Variants in CDKN2B-AS1 observed in about 807,000 individuals in gnomAD.
CDKN2B-AS1 encodes CDKN2B antisense RNA 1 (non-protein coding).
chr9:22,091,744 G>C (rs1251444045), intron 4 of CDKN2B-AS1, among the ~76,000 whole-genome samples: 1 of 152,080 alleles, frequency 6.6e-6, no homozygotes. Flanking sequence ...GGGTTTTCTA[G>C]ATATACAATC....
intron 1 of CDKN2B-AS1, among the ~76,000 whole-genome samples, chr9:22,020,065 T>G (rs1821952998): frequency 6.6e-6 from 1 of 152,192 alleles, no homozygotes; most frequent in Admixed American, 6.5e-5. Flanking sequence ...GTTGTTCCCC[T>G]CTGTGTGTTC....
At chr9:22,034,798 T>C (rs1822618710) in intron 1 of CDKN2B-AS1, among the ~76,000 whole-genome samples, 1 of 152,098 alleles carries the variant, frequency 6.6e-6, no homozygotes, top group Non-Finnish European at 1.5e-5. Flanking sequence ...AGACAATACA[T>C]GAATGAAGGA....
chr9:22,029,640 AAAG>A (rs1587426688), intron 1 of CDKN2B-AS1: 4 of 559,612 alleles, frequency 7.1e-6, no homozygotes, highest in Non-Finnish European at 9.8e-6. Context: ...CTGTGTGATA[AAAG>A]AAGAGCCTTG....
intron 1 of CDKN2B-AS1, among the ~76,000 whole-genome samples, chr9:22,027,557 A>G (rs904387846): frequency 3.3e-5 from 5 of 152,226 alleles, no homozygotes; most frequent in Admixed American, 2.0e-4. Context: ...ACATCCAAAA[A>G]TAATGACCTT....
intron 4 of CDKN2B-AS1, among the ~76,000 whole-genome samples, chr9:22,072,051 G>A (rs1327261717): frequency 1.3e-5 from 2 of 152,188 alleles, no homozygotes; most frequent in East Asian, 3.9e-4. Flanking sequence ...CCTGAGCAGT[G>A]CAGGTGGATT....
At chr9:21,995,109 C>A (rs988850485), upstream of CDKN2B-AS1, 1 of 152,152 alleles carries the variant, frequency 6.6e-6, no homozygotes, top group South Asian at 2.1e-4. The surrounding 1 kb of genome is among the most constrained non-coding windows in gnomAD (Gnocchi z 5.7). Context: ...CATCTGGACA[C>A]GGCGCGGCGC....
chr9:22,045,776 A>G (rs983323699), intron 1 of CDKN2B-AS1, among the ~76,000 whole-genome samples: 16 of 152,160 alleles, frequency 1.1e-4, no homozygotes, highest in African/African-American at 3.9e-4. Context: ...GCAGTATGCT[A>G]TAAAAGTGAA....
chr9:22,013,723 A>G (rs1266577147), intron 1 of CDKN2B-AS1, among the ~76,000 whole-genome samples: 1 of 152,108 alleles, frequency 6.6e-6, no homozygotes, highest in Non-Finnish European at 1.5e-5. Flanking sequence ...AAAGTGCTGG[A>G]TTGCAAGTGT....
intron 4 of CDKN2B-AS1, among the ~76,000 whole-genome samples, chr9:22,097,569 C>A (rs1825326535): frequency 6.6e-6 from 1 of 152,172 alleles, no homozygotes; most frequent in South Asian, 2.1e-4. Flanking sequence ...ATACCACTAG[C>A]TTTTGCTTTC....
chr9:22,021,051 A>T (rs897427099), intron 1 of CDKN2B-AS1, among the ~76,000 whole-genome samples: 1 of 152,128 alleles, frequency 6.6e-6, no homozygotes, highest in Non-Finnish European at 1.5e-5. Flanking sequence ...TAAGTTTTGT[A>T]TATGGTGTAA....
At chr9:22,050,885 G>A (rs1417293166) in intron 3 of CDKN2B-AS1, among the ~76,000 whole-genome samples, 1 of 152,146 alleles carries the variant, frequency 6.6e-6, no homozygotes, top group African/African-American at 2.4e-5. Flanking sequence ...AAGTGCTCAA[G>A]GAAGAGTCTG....
chr9:22,117,006 G>A (rs977224506), intron 4 of CDKN2B-AS1, among the ~76,000 whole-genome samples: 1 of 152,196 alleles, frequency 6.6e-6, no homozygotes, highest in Non-Finnish European at 1.5e-5. Context: ...AGCTGGGAGT[G>A]TTGAAAGAAT....
chr9:22,092,973 T>A (rs1825145920), intron 4 of CDKN2B-AS1, among the ~76,000 whole-genome samples: 1 of 152,188 alleles, frequency 6.6e-6, no homozygotes, highest in Non-Finnish European at 1.5e-5. Context: ...TGCTATAAAT[T>A]TCCCTCTACA....
intron 4 of CDKN2B-AS1, chr9:22,092,186 T>C (rs968664601): frequency 6.6e-6 from 1 of 152,198 alleles, no homozygotes; most frequent in Non-Finnish European, 1.5e-5. Flanking sequence ...TTGATCATGG[T>C]GGATAAGCCT....
Position 22,005,284 on chromosome 9 carries a change from T to G in CDKN2B-AS1, n.29+10123T>G. ...GCCAGCATCCTGTGCAAAGGTGCTC[T>G]GCAGCGTCGTGATCCAGGGATTTTA... On this transcript the variant is annotated intron_variant and non_coding_transcript_variant, in intron 1 of 4. Transcript: ENST00000650946. This position sits in a 1 kb window ranked among gnomAD's most constrained non-coding sequence, Gnocchi z 4.9. 8.4e-6 allele frequency: 2 copies of G among 237,880 alleles called. No individual in the cohort carries two copies. Among genetic ancestry groups the G allele is most frequent in the East Asian group, 1.2e-4 (2 of 16,674 alleles). The allele number at this position is 237,880 out of a possible 1,614,324, so 14.7% of individuals were successfully genotyped here.
intron 4 of CDKN2B-AS1, among the ~76,000 whole-genome samples, chr9:22,100,808 A>G (rs1251802395): frequency 6.6e-6 from 1 of 152,176 alleles, no homozygotes; most frequent in East Asian, 1.9e-4. Context: ...CTTTGCTTAC[A>G]CTTATTATTG....
intron 1 of CDKN2B-AS1, chr9:22,012,608 C>A: frequency 2.4e-6 from 1 of 416,038 alleles, no homozygotes; most frequent in Non-Finnish European, 4.5e-6. Flanking sequence ...TAAAGTGTCC[C>A]TTTCATTGAC....
At chr9:22,096,030 G>A (rs558804503) in intron 4 of CDKN2B-AS1, among the ~76,000 whole-genome samples, 5 of 152,174 alleles carry the variant, frequency 3.3e-5, no homozygotes, top group East Asian at 3.9e-4. Flanking sequence ...CTTCTCCCCC[G>A]TGGGTCAAAT....
At chr9:22,127,390 C>T (rs1452035861) in exon 5 of CDKN2B-AS1, among the ~76,000 whole-genome samples, 1 of 152,188 alleles carries the variant, frequency 6.6e-6, no homozygotes. Flanking sequence ...TAAATGTTTT[C>T]TTTAAAAGCA....
Sources: gnomAD v4.1 joint callset for allele counts (sites outside exome capture counted in the v4.1 genomes callset) on GRCh38, gnomAD v4.1.1 for gene constraint, Gnocchi (gnomAD v3.1) non-coding constraint, MANE v1.5 for transcripts, NCBI Gene and HGNC (gene_info 2026-07-23, HGNC 2026-07-21) for gene names.